Variants in TRAK1 observed in about 807,000 individuals in gnomAD.
The protein encoded by TRAK1 is trafficking kinesin-binding protein 1.
A neutral mutation model predicts 92.1 loss-of-function variants in TRAK1; 33 were observed. That is an observed-to-expected ratio of 0.36 (90% confidence interval 0.27 to 0.48). The LOEUF (loss-of-function observed/expected upper bound fraction) is 0.48. Ranked by LOEUF, TRAK1 falls within the 20% of genes least tolerant of loss-of-function variation. TRAK1 has a pLI of 0.99. For missense variants in TRAK1, 1,123 were observed against 1,257.9 expected (o/e 0.89, Z 1.62); for synonymous variants, 521 against 517.3 (o/e 1.01, Z -0.10).
chr3:42,191,971 G>C (rs1330197194), intron 7 of TRAK1, among the ~76,000 whole-genome samples: 3 of 131,312 alleles, frequency 2.3e-5, no homozygotes, highest in Admixed American at 9.0e-5. Context: ...TTGCGATCTC[G>C]GCTCACTGCA....
chr3:42,087,013 C>T (rs568431981), upstream of TRAK1: 8 of 152,378 alleles, frequency 5.3e-5, no homozygotes, highest in South Asian at 2.1e-4. Context: ...GCAGTCTGAA[C>T]GCACGTCATC....
At chr3:42,161,983 G>A (rs1246075565) in intron 2 of TRAK1, among the ~76,000 whole-genome samples, 1 of 152,202 alleles carries the variant, frequency 6.6e-6, no homozygotes, top group African/African-American at 2.4e-5. Context: ...TGCAGCCAGT[G>A]CCCTCATCAC....
chr3:42,216,699 G>T (rs1709730500), intron 14 of TRAK1, among the ~76,000 whole-genome samples: 1 of 152,144 alleles, frequency 6.6e-6, no homozygotes, highest in Non-Finnish European at 1.5e-5. Flanking sequence ...AGAATCTGGG[G>T]GAGGAAGAAC....
chr3:42,217,700 C>G, intron 14 of TRAK1: 2 of 985,368 alleles, frequency 2.0e-6, no homozygotes, highest in Non-Finnish European at 2.4e-6. Flanking sequence ...TGTCTTATTT[C>G]TATTTACTGC....
intron 3 of TRAK1, among the ~76,000 whole-genome samples, chr3:42,182,928 C>T (rs1704216329): frequency 6.6e-6 from 1 of 152,146 alleles, no homozygotes; most frequent in African/African-American, 2.4e-5. Context: ...CTAGCCTGCA[C>T]CTTTACTCTA....
intron 2 of TRAK1, among the ~76,000 whole-genome samples, chr3:42,157,685 T>C (rs1202928782): frequency 6.6e-6 from 1 of 152,012 alleles, no homozygotes. Flanking sequence ...AAAAAATCTG[T>C]TTTGAAATAT....
chr3:42,200,782 AT>A, intron 11 of TRAK1, 35 bp from the exon 12 acceptor site: 1 of 1,608,830 alleles, frequency 6.2e-7, no homozygotes, highest in Non-Finnish European at 8.5e-7. Context: ...TTGTGCCCGC[AT>A]TTGCTCACTC....
intron 2 of TRAK1, among the ~76,000 whole-genome samples, chr3:42,157,049 G>A (rs1164341093): frequency 1.3e-5 from 2 of 151,974 alleles, no homozygotes; most frequent in African/African-American, 4.8e-5. Context: ...TTACTTGGGA[G>A]GCTGAGGCAG....
intron 1 of TRAK1, among the ~76,000 whole-genome samples, chr3:42,026,524 CT>C (rs779064338): frequency 0.021 from 2,848 of 135,004 alleles, 62 homozygotes; most frequent in East Asian, 0.12. Context: ...TCAGTGATCT[CT>C]TTTTTTTTTT....
At position 42,016,644 on chromosome 3, in the gene TRAK1, T is replaced by C. The variant is rs370404797; in HGVS notation, c.-519+2527T>C. 1.5e-3 allele frequency among the ~76,000 whole-genome samples: 226 copies of C among 152,328 alleles called. 1 individual carries two copies. Among genetic ancestry groups the C allele is most frequent in the African/African-American group, 5.4e-3 (223 of 41,580 alleles). On this transcript the variant is annotated intron_variant, in intron 1 of 16. Transcript: ENST00000487159. ...AAGGTAGAGAACAGACCTTGGGCAT[T>C]CTCCTCTCCGTCAGCTGTCGGAGTT...
At chr3:42,200,069 T>C (rs1265022101) in intron 11 of TRAK1, among the ~76,000 whole-genome samples, 1 of 152,234 alleles carries the variant, frequency 6.6e-6, no homozygotes, top group Non-Finnish European at 1.5e-5. Context: ...CCAAGGTGTT[T>C]GTAAGGAACA....
intron 1 of TRAK1, among the ~76,000 whole-genome samples, chr3:42,108,753 G>C (rs1301607255): frequency 6.6e-6 from 1 of 152,030 alleles, no homozygotes; most frequent in East Asian, 1.9e-4. Flanking sequence ...AGACAGCAAA[G>C]TGATGAAACC....
rs185888354 is a variant in TRAK1, at chr3:42,142,629, A to G, written c.286+17015A>G. ...TAGAGACATATTTGTACACTGTTTTATAAAAGGTATTAGTGGCAGAAACAG... is the reference window on the plus strand; with the variant it reads ...TAGAGACATATTTGTACACTGTTTTGTAAAAGGTATTAGTGGCAGAAACAG... On this transcript the variant is annotated intron_variant, in intron 2 of 15. Transcript: ENST00000327628. Among the ~76,000 whole-genome samples the G allele has an allele frequency of 7.6e-4, 116 of 152,320 alleles. 1 individual carries two copies. Among genetic ancestry groups the G allele is most frequent in the African/African-American group, 2.7e-3 (113 of 41,560 alleles).
chr3:42,018,108 CA>C (rs1451587908), intron 1 of TRAK1, among the ~76,000 whole-genome samples: 1 of 114,890 alleles, frequency 8.7e-6, no homozygotes, highest in African/African-American at 3.1e-5. Context: ...AAAAAAAAGA[CA>C]AAAGAAAAAT....
chr3:42,075,752 CT>C (rs1314587363), intron 1 of TRAK1, among the ~76,000 whole-genome samples: 3 of 151,968 alleles, frequency 2.0e-5, no homozygotes, highest in Non-Finnish European at 4.4e-5. Context: ...TGATGTTGAG[CT>C]TTTTTTTCAT....
Position 42,030,293 on chromosome 3 carries a change from G to A in TRAK1, c.-519+16176G>A, listed in dbSNP as rs1334899215. On this transcript the variant is annotated intron_variant, in intron 1 of 16. Transcript: ENST00000487159. ...GAGGATCCCTTTTGAGCTCAGGAGC[G>A]CAAGGCAGCAGTAAGCTGTGATCTC... Among the ~76,000 whole-genome samples the A allele has an allele frequency of 6.6e-5, 10 of 150,854 alleles. No homozygotes were observed. In the East Asian group the frequency reaches 1.6e-3, roughly 24 times the overall value.
chr3:42,140,519 C>T (rs954759429), intron 2 of TRAK1, among the ~76,000 whole-genome samples: 9 of 151,970 alleles, frequency 5.9e-5, no homozygotes, highest in Non-Finnish European at 1.2e-4. Context: ...CCCAGCTACT[C>T]GGGAGGGTGA....
chr3:42,200,699 T>C (rs1388281923), intron 11 of TRAK1, 119 bp from the exon 12 acceptor site: 2 of 963,260 alleles, frequency 2.1e-6, no homozygotes, highest in African/African-American at 3.2e-5. Context: ...GATAGCAGGC[T>C]GCTGGGGGAC....
chr3:42,116,623 G>C (rs779034471), intron 1 of TRAK1, among the ~76,000 whole-genome samples: 5 of 152,152 alleles, frequency 3.3e-5, no homozygotes, highest in Non-Finnish European at 7.3e-5. Context: ...GTGTTGTCTT[G>C]TGAAGTCATT....
Sources: allele counts gnomAD v4.1 joint callset (sites outside exome capture counted in the v4.1 genomes callset), GRCh38; gene constraint gnomAD v4.1.1; transcripts MANE v1.5; gene names NCBI Gene and HGNC (gene_info 2026-07-23, HGNC 2026-07-21).